The following SEC31A variants were observed in gnomAD, a reference collection of about 807,000 sequenced individuals.
SEC31A encodes SEC31 homolog A, COPII component.
Under a neutral mutation model 151.0 loss-of-function variants are expected in SEC31A, and 70 were observed. The ratio of observed to expected loss-of-function variants is 0.46; its 90% CI spans 0.38 to 0.57. SEC31A has a LOEUF of 0.57. SEC31A is among the 20% of genes least tolerant of loss of function. The probability of loss-of-function intolerance (pLI) is 0.00; values close to 1 mark genes in which losing one functional copy is unlikely to be tolerated. For missense variants in SEC31A, 1,330 were observed against 1,471.2 expected, an observed-to-expected ratio of 0.90 and a Z score of 1.57; for synonymous variants, 475 against 505.9, an observed-to-expected ratio of 0.94 and a Z score of 0.82.
intron 6 of SEC31A, among the ~76,000 whole-genome samples, chr4:82,874,022 G>A (rs115792386): frequency 0.024 from 3,635 of 151,792 alleles, 151 homozygotes; most frequent in African/African-American, 0.082. Flanking sequence ...TGCAATGGCC[G>A]GGCACAGAAG....
At chr4:82,855,157 C>A in intron 16 of SEC31A, 128 bp from the exon 17 acceptor site, 3 of 728,628 alleles carry the variant, frequency 4.1e-6, no homozygotes, top group Non-Finnish European at 6.4e-6. Flanking sequence ...AATTTTGAAT[C>A]AAATGACATA....
At position 82,821,116 on chromosome 4, in the gene SEC31A, A is replaced by C; in HGVS notation, c.3412-8T>G. On this transcript the variant is annotated splice_polypyrimidine_tract_variant and splice_region_variant and intron_variant, in intron 25 of 26. Coordinates refer to ENST00000395310, the MANE Select transcript of SEC31A (RefSeq NM_001077207.4). ...TAGCTTCCTCTTGGTTTGCTGCAGG[A>C]AAGAAAAAATAGATGTTATATTTGA... 1.2e-6 allele frequency: 2 copies of C among 1,611,788 alleles called. No individual in the cohort carries two copies. The highest frequency in any genetic ancestry group is 1.7e-6 in the Non-Finnish European group (2 of 1,177,986).
intron 5 of SEC31A, among the ~76,000 whole-genome samples, chr4:82,875,266 CAGG>C (rs764598822): frequency 9.2e-5 from 14 of 152,252 alleles, no homozygotes; most frequent in African/African-American, 1.2e-4. Context: ...CAGGGAAGAA[CAGG>C]AGAAGACTGT....
At chr4:82,826,248 A>G (rs1724519439) in intron 24 of SEC31A, among the ~76,000 whole-genome samples, 2 of 152,202 alleles carry the variant, frequency 1.3e-5, no homozygotes, top group Admixed American at 6.5e-5. Context: ...ATACAACTCT[A>G]TAATTAATTT....
In SEC31A at chr4:82,886,498, C is replaced by T. The variant is rs545763444; in HGVS notation, c.-4-4558G>A. ...TGGGTTAGTGCTTTTGATAGGTTTGCTATTTTTAAAGATTACCACTATCAT... is the reference window on the plus strand; with the variant it reads ...TGGGTTAGTGCTTTTGATAGGTTTGTTATTTTTAAAGATTACCACTATCAT... On this transcript the variant is annotated intron_variant, in intron 1 of 26. Transcript: ENST00000395310. Among the ~76,000 whole-genome samples the T allele has an allele frequency of 1.3e-3, 203 of 152,260 alleles. 3 individuals are homozygous for T. In the South Asian group the frequency reaches 0.03, roughly 22 times the overall value.
intron 1 of SEC31A, among the ~76,000 whole-genome samples, chr4:82,885,107 T>G (rs1199568381): frequency 1.3e-5 from 2 of 152,068 alleles, no homozygotes; most frequent in Admixed American, 6.6e-5. Context: ...TTCCACCTCT[T>G]GTTTGCCTTT....
At chr4:82,890,926 G>A in intron 1 of SEC31A, 162 bp downstream of exon 1, 1 of 1,413,728 alleles carries the variant, frequency 7.1e-7, no homozygotes, top group Non-Finnish European at 9.2e-7. Context: ...GCGTTGTTCC[G>A]CCGGGCCCGA....
rs148105146 is a variant in SEC31A, at chr4:82,866,841, C to T, written c.1164G>A (p.Lys388=). 143 of 1,609,238 alleles carry T rather than the reference C, an allele frequency of 8.9e-5. No individual in the cohort carries two copies. Among genetic ancestry groups the T allele is most frequent in the Non-Finnish European group, 1.1e-4 (135 of 1,178,980 alleles). Residue 388 remains lysine, a synonymous_variant, in exon 10 of 27, where the codon AAG becomes AAA. Coordinates refer to ENST00000395310, the MANE Select transcript of SEC31A (RefSeq NM_001077207.4). The part of the protein sequence containing the change: ...SIVLPLKKPP[K]WIRRPVGASF... The stretch of plus-strand genomic sequence containing the variant: ...AAGCACCAACAGGCCTTCGAATCCA[C>T]TTGGGCGGCTTCTTCAGAGGCAGCA...
At position 82,819,001 on chromosome 4, in the gene SEC31A, T is replaced by G; in HGVS notation, c.*73A>C. 3 of 1,277,280 alleles carry G rather than the reference T, an allele frequency of 2.3e-6. No individual in the cohort carries two copies. The highest frequency in any genetic ancestry group is 3.3e-6 in the Non-Finnish European group (3 of 922,506). 79.1% of individuals were successfully genotyped at this position (1,277,280 alleles called of 1,614,324 possible). ...AAACATGCTAATGAGGACTAGTCCA[T>G]GTCTTATAATTTTTTTTTTTAACAT... On this transcript the variant is annotated 3_prime_UTR_variant, in exon 27 of 27. Coordinates refer to ENST00000395310, the MANE Select transcript of SEC31A (RefSeq NM_001077207.4).
At position 82,857,724 on chromosome 4, in the gene SEC31A, G is replaced by A. The variant is rs544060367; in HGVS notation, c.1667C>T (p.Ser556Leu). The change falls in exon 15 of 27, where the codon TCA becomes TTA. Residue 556 changes from serine (S) to leucine (L), a missense_variant. Ser to Leu is a moderately radical substitution (Grantham distance 145). Coordinates refer to ENST00000395310, the MANE Select transcript of SEC31A (RefSeq NM_001077207.4). ...AGAGATATTAAATGTTCCTCCAGAT[G>A]AGGGTAGAAATTCAGATTCTTCTTT... ...EEKEESEFLP[S>L]SGGTFNISVS... 5.6e-6 allele frequency: 9 copies of A among 1,604,158 alleles called. No individual in the cohort carries two copies. In the East Asian group the frequency reaches 6.7e-5, roughly 12 times the overall value.
At chr4:82,854,361 C>T (rs1356773837) in intron 17 of SEC31A, among the ~76,000 whole-genome samples, 1 of 34,496 alleles carries the variant, frequency 2.9e-5, no homozygotes, top group African/African-American at 6.4e-5. Context: ...AAAACTCCGT[C>T]TCCAAAAAAA....
At chr4:82,890,909 A>C (rs1222090701) in intron 1 of SEC31A, 179 bp downstream of exon 1, 2 of 1,410,670 alleles carry the variant, frequency 1.4e-6, no homozygotes, top group Non-Finnish European at 9.2e-7. Flanking sequence ...TGGAGTCCAG[A>C]TGCCAGGCGT....
At chr4:82,875,628 T>C (rs1578349215) in intron 5 of SEC31A, 99 bp downstream of exon 5, 2 of 677,766 alleles carry the variant, frequency 3.0e-6, no homozygotes, top group East Asian at 2.8e-5. Context: ...TTTAAACATA[T>C]ATGTTTTGTG....
At chr4:82,857,980 GA>G in intron 14 of SEC31A, 1 of 400,300 alleles carries the variant, frequency 2.5e-6, no homozygotes, top group South Asian at 2.4e-5. Flanking sequence ...AGGTCATGAA[GA>G]ATACTGGTTA....
In SEC31A at chr4:82,842,599, T is replaced by C. The variant is rs942043570; in HGVS notation, c.2627-118A>G. 5.0e-6 allele frequency: 4 copies of C among 799,508 alleles called. No individual in the cohort carries two copies. The Admixed American group carries it at 1.2e-4, about 24-fold the overall frequency. 49.5% of individuals were successfully genotyped at this position (799,508 alleles called of 1,614,324 possible). On this transcript the variant is annotated intron_variant, in intron 21 of 26. Coordinates refer to ENST00000395310, the MANE Select transcript of SEC31A (RefSeq NM_001077207.4). Reference sequence around the variant, plus strand: ...TGATTTTAATCAAAATAAGTTACAATCCCAAATTAAAAATTTACACCATTA... The same window carrying C: ...TGATTTTAATCAAAATAAGTTACAACCCCAAATTAAAAATTTACACCATTA...
chr4:82,892,597 G>A (rs1011250547), upstream of SEC31A, among the ~76,000 whole-genome samples: 2 of 152,096 alleles, frequency 1.3e-5, no homozygotes, highest in Admixed American at 1.3e-4. Flanking sequence ...TTAATCTCTG[G>A]GGTCAAGGAG....
chr4:82,864,309 A>AACAGT (rs1734832813), intron 11 of SEC31A, 53 bp downstream of exon 11: 1 of 1,208,312 alleles, frequency 8.3e-7, no homozygotes, highest in Non-Finnish European at 1.2e-6. Context: ...AATATAAAGG[A>AACAGT]ACAGTTAAAT....
chr4:82,865,321 C>T (rs538625207), intron 10 of SEC31A, among the ~76,000 whole-genome samples: 9 of 152,034 alleles, frequency 5.9e-5, no homozygotes, highest in African/African-American at 1.9e-4. Context: ...AATGGTAAAA[C>T]GGCTATAAAA....
intron 19 of SEC31A, 133 bp downstream of exon 19, chr4:82,851,298 T>A (rs1731400556): frequency 1.5e-6 from 1 of 645,180 alleles, no homozygotes; most frequent in East Asian, 2.8e-5. Flanking sequence ...CAATAACATT[T>A]ACCTGCAGTC....
Sources: gnomAD v4.1 joint callset for allele counts (sites outside exome capture counted in the v4.1 genomes callset) on GRCh38, gnomAD v4.1.1 for gene constraint, MANE v1.5 for transcripts, NCBI Gene and HGNC (gene_info 2026-07-23, HGNC 2026-07-21) for gene names.